Variants in BRWD1 observed in about 807,000 individuals in gnomAD.
BRWD1 encodes the protein bromodomain and WD repeat domain containing 1, also known as bromodomain and WD repeat-containing protein 1.
Under a neutral mutation model 251.2 loss-of-function variants are expected in BRWD1, and 82 were observed. The observed-to-expected ratio is 0.33, with a 90% CI of 0.27 to 0.39. BRWD1 has a LOEUF of 0.39. Ranked by LOEUF, BRWD1 falls within the 10% of genes least tolerant of loss-of-function variation. The pLI, the probability that BRWD1 is intolerant of heterozygous loss-of-function variation, is 1.00. For synonymous variants in BRWD1, 918 were observed against 902.8 expected (o/e 1.02, Z -0.30); for missense variants, 2,233 against 2,711.6 (o/e 0.82, Z 3.92).
intron 4 of BRWD1, among the ~76,000 whole-genome samples, chr21:39,311,279 C>A (rs116255839): frequency 1.1e-4 from 16 of 151,856 alleles, no homozygotes; most frequent in African/African-American, 3.9e-4. Flanking sequence ...GTGATCCTTC[C>A]GCCTCAGCCT....
rs1555877815 is a variant in BRWD1, at chr21:39,301,986, T to TTTG, written c.199-3405_199-3404insCAA. Among the ~76,000 whole-genome samples the TTTG allele has an allele frequency of 9.3e-3, 1,291 of 138,276 alleles. 28 individuals are homozygous for TTTG. The highest frequency in any genetic ancestry group is 0.033 in the African/African-American group (1,198 of 36,538). 90.7% of individuals were successfully genotyped at this position (138,276 alleles called of 152,430 possible). A position where few individuals can be genotyped will look rare whatever the true frequency, so the allele number is the denominator to read the frequency against. ...GTTAAAAAGCTTTGTGTGTTTTTTT[T>TTTG]TTTTTTTTTTTTTTTTGAGACAGTC... On this transcript the variant is annotated intron_variant, in intron 4 of 40. Transcript: ENST00000342449.
intron 15 of BRWD1, 67 bp from the exon 16 acceptor site, chr21:39,265,086 T>C: frequency 6.6e-7 from 1 of 1,525,856 alleles, no homozygotes; most frequent in Non-Finnish European, 8.9e-7. Flanking sequence ...GTAAACTTTT[T>C]TAATGTGGAT....
intron 4 of BRWD1, among the ~76,000 whole-genome samples, chr21:39,299,008 G>A (rs149757843): frequency 0.015 from 2,308 of 152,220 alleles, 57 homozygotes; most frequent in African/African-American, 0.053. Flanking sequence ...TGGATCACTT[G>A]AGATCAGGAG....
In BRWD1 at chr21:39,189,109, T is replaced by A. The variant is rs920531724; in HGVS notation, c.*7150A>T. 7.1e-6 allele frequency: 7 copies of A among 984,008 alleles called. No homozygotes were observed. The highest frequency in any genetic ancestry group is 8.4e-6 in the Non-Finnish European group (7 of 828,620). The allele number at this position is 984,008 out of a possible 1,614,324, so 61.0% of individuals were successfully genotyped here. ...ATGAATCTTTAACACATTAAATCAA[T>A]GTTAGCAAATGCTAAAATGTAAATA... On this transcript the variant is annotated 3_prime_UTR_variant, in exon 41 of 41. Coordinates refer to ENST00000342449, the MANE Select transcript of BRWD1 (RefSeq NM_033656.4).
intron 22 of BRWD1, among the ~76,000 whole-genome samples, chr21:39,238,121 A>G (rs1039606176): frequency 6.6e-6 from 1 of 152,102 alleles, no homozygotes; most frequent in Non-Finnish European, 1.5e-5. Flanking sequence ...GGACCCAGGA[A>G]ATCTGGATCT....
intron 8 of BRWD1, among the ~76,000 whole-genome samples, chr21:39,286,283 G>A (rs1024058499): frequency 1.3e-5 from 2 of 152,058 alleles, no homozygotes; most frequent in East Asian, 3.9e-4. Context: ...CTCCCAAAGT[G>A]CTGGGATTAC....
chr21:39,259,084 A>G (rs1288044395), intron 17 of BRWD1, among the ~76,000 whole-genome samples: 1 of 152,120 alleles, frequency 6.6e-6, no homozygotes, highest in Admixed American at 6.5e-5. Flanking sequence ...CTGAGATTTA[A>G]TTTCTTCTCT....
intron 15 of BRWD1, among the ~76,000 whole-genome samples, chr21:39,268,548 T>C (rs1349146071): frequency 6.6e-6 from 1 of 151,896 alleles, no homozygotes; most frequent in Non-Finnish European, 1.5e-5. Context: ...TTTTATTTCA[T>C]TTAAAAAACT....
At chr21:39,244,806 C>T (rs932237856) in intron 21 of BRWD1, among the ~76,000 whole-genome samples, 7 of 151,642 alleles carry the variant, frequency 4.6e-5, no homozygotes, top group African/African-American at 1.7e-4. Flanking sequence ...GGATACTACA[C>T]CTTCCTCCCA....
intron 15 of BRWD1, among the ~76,000 whole-genome samples, chr21:39,269,270 A>G (rs1311766018): frequency 6.6e-6 from 1 of 151,480 alleles, no homozygotes; most frequent in East Asian, 1.9e-4. Flanking sequence ...TTTTAAGAAT[A>G]CACCTGTACA....
intron 19 of BRWD1, among the ~76,000 whole-genome samples, chr21:39,253,257 C>T (rs1421623876): frequency 7.3e-6 from 1 of 136,628 alleles, no homozygotes; most frequent in Non-Finnish European, 1.5e-5. Flanking sequence ...CACTGCACTC[C>T]AGCCTGGGTG....
intron 31 of BRWD1, chr21:39,217,066 T>A (rs748561418): frequency 1.8e-5 from 1 of 55,874 alleles, no homozygotes; most frequent in Non-Finnish European, 2.8e-5. Flanking sequence ...TATATATATA[T>A]ATATATATAT....
intron 7 of BRWD1, among the ~76,000 whole-genome samples, chr21:39,295,281 G>A (rs994693540): frequency 7.3e-6 from 1 of 137,574 alleles, no homozygotes; most frequent in African/African-American, 2.7e-5. Context: ...CCACCTCCCA[G>A]GTTCACGCCA....
upstream of BRWD1, chr21:39,313,657 A>G (rs2036606337): frequency 6.6e-6 from 3 of 456,772 alleles, no homozygotes; most frequent in Non-Finnish European, 1.1e-5. Context: ...GCGGGGGAGG[A>G]AGTAGTTCCT....
At chr21:39,248,375 G>C (rs754857687) in intron 20 of BRWD1, among the ~76,000 whole-genome samples, 20 of 152,056 alleles carry the variant, frequency 1.3e-4, no homozygotes, top group Middle Eastern at 3.4e-3. Flanking sequence ...ACTTTGGGAG[G>C]ACAAGGCAGG....
Position 39,313,539 on chromosome 21 carries a change from G to C in BRWD1, c.-48C>G. The stretch of plus-strand genomic sequence containing the variant: ...GGGAGCGAGCGAGCGAGCGGAGCGT[G>C]TAGGCCGCGCCGAGGCCTGACCGGG... On this transcript the variant is annotated 5_prime_UTR_variant, in exon 1 of 41. Transcript: ENST00000342449. 7.6e-7 allele frequency: 1 copy of C among 1,314,786 alleles called. No homozygotes were observed. The highest frequency in any genetic ancestry group is 2.2e-5 in the South Asian group (1 of 45,766). 81.4% of individuals were successfully genotyped at this position (1,314,786 alleles called of 1,614,324 possible). A position where few individuals can be genotyped will look rare whatever the true frequency, so the allele number is the denominator to read the frequency against.
At chr21:39,308,474 C>T (rs145827454) in intron 4 of BRWD1, among the ~76,000 whole-genome samples, 4,373 of 108,256 alleles carry the variant, frequency 0.04, 226 homozygotes, top group African/African-American at 0.14. Flanking sequence ...AGAATGACAC[C>T]TTGTCTCAAA....
intron 29 of BRWD1, among the ~76,000 whole-genome samples, chr21:39,220,257 A>G (rs2033122675): frequency 1.3e-5 from 2 of 152,194 alleles, no homozygotes; most frequent in Admixed American, 6.5e-5. Flanking sequence ...AGCCAGGAAA[A>G]GAACCAAATG....
chr21:39,286,557 T>C (rs1438453461), intron 8 of BRWD1, among the ~76,000 whole-genome samples: 1 of 151,716 alleles, frequency 6.6e-6, no homozygotes, highest in Non-Finnish European at 1.5e-5. Flanking sequence ...CACTGTCACC[T>C]GGTGGGAAGT....
Sources: allele counts gnomAD v4.1 joint callset (sites outside exome capture counted in the v4.1 genomes callset), GRCh38; gene constraint gnomAD v4.1.1; transcripts MANE v1.5; gene names NCBI Gene and HGNC (gene_info 2026-07-23, HGNC 2026-07-21).